Variants in TAS2R1 observed in about 807,000 individuals in gnomAD.
The protein encoded by TAS2R1 is taste receptor type 2 member 1.
For missense variants in TAS2R1, 370 were observed against 353.4 expected, an observed-to-expected ratio of 1.05 and a Z score of -0.38; for synonymous variants, 141 against 134.2, an observed-to-expected ratio of 1.05 and a Z score of -0.35.
intron 2 of TAS2R1, among the ~76,000 whole-genome samples, chr5:9,640,147 T>C (rs947325101): frequency 6.6e-6 from 1 of 152,096 alleles, no homozygotes; most frequent in Non-Finnish European, 1.5e-5. Context: ...TTTAGTATTA[T>C]TAATTGGCCT....
At chr5:9,633,370 C>T (rs1233871388), upstream of TAS2R1, among the ~76,000 whole-genome samples, 1 of 145,856 alleles carries the variant, frequency 6.9e-6, no homozygotes, top group Non-Finnish European at 1.5e-5. Flanking sequence ...TAGACTGGTT[C>T]CATATTTTTG....
At chr5:9,653,994 A>G (rs1740358955) in intron 2 of TAS2R1, among the ~76,000 whole-genome samples, 1 of 152,166 alleles carries the variant, frequency 6.6e-6, no homozygotes, top group Non-Finnish European at 1.5e-5. Flanking sequence ...GTATGAAGTC[A>G]GGCCGAGGGC....
chr5:9,633,239 AT>A (rs1739899871), upstream of TAS2R1, among the ~76,000 whole-genome samples: 1 of 138,066 alleles, frequency 7.2e-6, no homozygotes, highest in Admixed American at 7.4e-5. Flanking sequence ...GGTCTCATTC[AT>A]TTTTTATGGC....
At chr5:9,633,211 A>G (rs1031950693), upstream of TAS2R1, among the ~76,000 whole-genome samples, 1 of 147,092 alleles carries the variant, frequency 6.8e-6, no homozygotes, top group Non-Finnish European at 1.5e-5. Flanking sequence ...TTTAAAAACG[A>G]TTTTTTTCTG....
chr5:9,783,560 C>T, the TAS2R1 span, among the ~76,000 whole-genome samples: 71 of 152,256 alleles, frequency 4.7e-4, no homozygotes, highest in African/African-American at 1.7e-3. Context: ...AAGCCCATAT[C>T]CTCTTCTTTT....
At chr5:9,765,596 C>T in the TAS2R1 span, 108 of 152,282 alleles carry the variant, frequency 7.1e-4, no homozygotes, top group African/African-American at 1.3e-3. Flanking sequence ...TGATCTTTAG[C>T]GCCCACCACC....
intron 1 of TAS2R1, among the ~76,000 whole-genome samples, chr5:9,662,261 A>G (rs1374440732): frequency 6.6e-6 from 1 of 152,178 alleles, no homozygotes; most frequent in Non-Finnish European, 1.5e-5. Flanking sequence ...ATCTGTTGCT[A>G]TTTCAATAAT....
At chr5:9,791,654 A>T in the TAS2R1 span, among the ~76,000 whole-genome samples, 1 of 152,286 alleles carries the variant, frequency 6.6e-6, no homozygotes, top group East Asian at 1.9e-4. Flanking sequence ...AGCTGAGATC[A>T]TGCCACTGCA....
At chr5:9,818,685 G>A in the TAS2R1 span, among the ~76,000 whole-genome samples, 1 of 152,172 alleles carries the variant, frequency 6.6e-6, no homozygotes, top group Non-Finnish European at 1.5e-5. Context: ...CCTAGACCTG[G>A]AACTGCACAG....
the TAS2R1 span, among the ~76,000 whole-genome samples, chr5:9,901,392 C>T: frequency 6.6e-6 from 1 of 151,954 alleles, no homozygotes; most frequent in South Asian, 2.1e-4. Flanking sequence ...GAAAAGAGGG[C>T]ATGGCCAAAA....
At chr5:9,770,856 T>C in the TAS2R1 span, among the ~76,000 whole-genome samples, 1 of 152,204 alleles carries the variant, frequency 6.6e-6, no homozygotes, top group Non-Finnish European at 1.5e-5. Context: ...ATAATTTGGC[T>C]TCTTCCTTTC....
the TAS2R1 span, among the ~76,000 whole-genome samples, chr5:9,784,367 T>C: frequency 6.6e-6 from 1 of 152,096 alleles, no homozygotes; most frequent in Non-Finnish European, 1.5e-5. Context: ...CTCCCTGAGG[T>C]CCATATGCCA....
At chr5:9,760,401 C>T in the TAS2R1 span, among the ~76,000 whole-genome samples, 3 of 152,186 alleles carry the variant, frequency 2.0e-5, no homozygotes, top group Admixed American at 2.0e-4. Flanking sequence ...GACAGGAAAT[C>T]TGTAGACGAA....
the TAS2R1 span, among the ~76,000 whole-genome samples, chr5:9,777,672 G>A: frequency 3.3e-5 from 5 of 152,252 alleles, no homozygotes; most frequent in East Asian, 1.9e-4. Flanking sequence ...AGAAGGCTTC[G>A]AATTTGCTTT....
intron 1 of TAS2R1, chr5:9,659,873 C>A (rs1325942130): frequency 6.6e-6 from 1 of 152,022 alleles, no homozygotes; most frequent in East Asian, 1.9e-4. Flanking sequence ...GCAGTGAAGA[C>A]CCTTAAACTC....
rs1029476384 is a variant in TAS2R1 at position 9,627,914 on chromosome 5, T to C, written c.*1219A>G. Among the ~76,000 whole-genome samples the C allele has an allele frequency of 6.6e-6, 1 of 152,202 alleles. No homozygotes were observed. The highest frequency in any genetic ancestry group is 1.5e-5 in the Non-Finnish European group (1 of 68,042). ...AGCAAAATCCTTCATTGGTGTATTA[T>C]AACCAGGCCTGCGTGGCTTGGGTTA... On this transcript the variant is annotated 3_prime_UTR_variant, in exon 1 of 1. Coordinates refer to ENST00000382492, the MANE Select transcript of TAS2R1 (RefSeq NM_019599.3).
At chr5:9,779,034 A>G in the TAS2R1 span, among the ~76,000 whole-genome samples, 1 of 152,198 alleles carries the variant, frequency 6.6e-6, no homozygotes, top group Non-Finnish European at 1.5e-5. Flanking sequence ...TGCAAATATC[A>G]TGTTGAAATG....
intron 1 of TAS2R1, among the ~76,000 whole-genome samples, chr5:9,683,100 A>G (rs1421485486): frequency 1.3e-5 from 2 of 152,164 alleles, no homozygotes; most frequent in Non-Finnish European, 2.9e-5. Context: ...TTTGCCTTTT[A>G]TATACCATTG....
At chr5:9,744,491 G>A in the TAS2R1 span, among the ~76,000 whole-genome samples, 12 of 152,036 alleles carry the variant, frequency 7.9e-5, no homozygotes, top group African/African-American at 1.5e-4. Flanking sequence ...CAAGTGGTCC[G>A]TGTGGTCCTT....
Sources: allele counts gnomAD v4.1 joint callset (sites outside exome capture counted in the v4.1 genomes callset), GRCh38; gene constraint gnomAD v4.1.1; transcripts MANE v1.5; gene names NCBI Gene and HGNC (gene_info 2026-07-23, HGNC 2026-07-21).